ERC2: variants seen among roughly 807,000 people sequenced by gnomAD.
ERC2 encodes the protein ERC protein 2.
In ERC2, 42 loss-of-function variants were observed where a neutral mutation model predicts 114.8. The ratio of observed to expected loss-of-function variants is 0.37; its 90% CI spans 0.29 to 0.47. ERC2 has a LOEUF of 0.47. ERC2 is among the 20% of genes least tolerant of loss of function. ERC2 has a pLI of 0.99. For missense variants in ERC2, 939 were observed against 1,150.7 expected (o/e 0.82, Z 2.66); for synonymous variants, 454 against 425.5 (o/e 1.07, Z -0.82).
At chr3:55,747,782 A>C (rs963620757) in intron 14 of ERC2, among the ~76,000 whole-genome samples, 2 of 152,268 alleles carry the variant, frequency 1.3e-5, no homozygotes, top group Non-Finnish European at 1.5e-5. Flanking sequence ...TTCAGAGCCC[A>C]AGTTACAGAA....
At chr3:56,237,656 G>C (rs2051041913) in intron 3 of ERC2, among the ~76,000 whole-genome samples, 1 of 152,062 alleles carries the variant, frequency 6.6e-6, no homozygotes, top group Non-Finnish European at 1.5e-5. Flanking sequence ...AAGTCACATT[G>C]CTTTCTTTTT....
intron 6 of ERC2, among the ~76,000 whole-genome samples, chr3:56,090,595 TTAAA>T (rs1206931604): frequency 6.6e-6 from 1 of 152,012 alleles, no homozygotes; most frequent in Non-Finnish European, 1.5e-5. Flanking sequence ...ACTTAAATAC[TTAAA>T]TAAAAGCCTT....
At chr3:55,716,776 C>T (rs2064144497) in intron 15 of ERC2, among the ~76,000 whole-genome samples, 1 of 152,208 alleles carries the variant, frequency 6.6e-6, no homozygotes, top group African/African-American at 2.4e-5. Flanking sequence ...CAGTCCTATA[C>T]CAGTCTCCAG....
chr3:55,942,480 G>T (rs1275358333), intron 13 of ERC2, among the ~76,000 whole-genome samples: 10 of 146,398 alleles, frequency 6.8e-5, no homozygotes, highest in East Asian at 2.0e-4. Context: ...TGTATTTTTA[G>T]TAGAGACGGG....
intron 16 of ERC2, among the ~76,000 whole-genome samples, chr3:55,689,320 A>T (rs1223139832): frequency 2.0e-5 from 3 of 152,170 alleles, no homozygotes; most frequent in Admixed American, 2.0e-4. Flanking sequence ...ATTTCCTTCA[A>T]GCAAAATAGC....
At chr3:56,227,139 A>C (rs915928925) in intron 3 of ERC2, among the ~76,000 whole-genome samples, 4 of 151,924 alleles carry the variant, frequency 2.6e-5, no homozygotes, top group Admixed American at 2.6e-4. Flanking sequence ...AAATACCCTC[A>C]CATCCTTTCC....
At chr3:56,300,234 C>T (rs1426253433) in intron 2 of ERC2, among the ~76,000 whole-genome samples, 4 of 144,128 alleles carry the variant, frequency 2.8e-5, no homozygotes, top group African/African-American at 1.0e-4. Context: ...TCCATTTATC[C>T]ATTCAATATA....
intron 6 of ERC2, among the ~76,000 whole-genome samples, chr3:56,082,082 T>C (rs901005803): frequency 6.9e-6 from 1 of 145,796 alleles, no homozygotes; most frequent in African/African-American, 2.6e-5. Context: ...TGGATATATA[T>C]ATTAAAAAGA....
At chr3:55,747,981 T>C (rs1169905144) in intron 14 of ERC2, among the ~76,000 whole-genome samples, 1 of 152,196 alleles carries the variant, frequency 6.6e-6, no homozygotes, top group African/African-American at 2.4e-5. Flanking sequence ...ACTGGAGTGC[T>C]CCTTCCCAGA....
chr3:55,643,784 G>A (rs2060283901), intron 17 of ERC2, among the ~76,000 whole-genome samples: 1 of 151,966 alleles, frequency 6.6e-6, no homozygotes, highest in Non-Finnish European at 1.5e-5. Context: ...ATGTAAGTTG[G>A]CATCTAATGT....
chr3:55,664,567 G>A (rs991065052), intron 17 of ERC2, among the ~76,000 whole-genome samples: 19 of 152,186 alleles, frequency 1.2e-4, no homozygotes, highest in Non-Finnish European at 2.2e-4. Flanking sequence ...GGGAGGAGGG[G>A]CTGGGTTACC....
intron 1 of ERC2, among the ~76,000 whole-genome samples, chr3:56,454,965 TTGTC>T (rs2062997098): frequency 6.6e-6 from 1 of 151,936 alleles, no homozygotes; most frequent in Non-Finnish European, 1.5e-5. Context: ...AGCTCAAATA[TTGTC>T]TGATATCATT....
intron 14 of ERC2, among the ~76,000 whole-genome samples, chr3:55,876,712 G>A (rs1329034199): frequency 1.3e-5 from 2 of 152,138 alleles, no homozygotes; most frequent in African/African-American, 4.8e-5. Flanking sequence ...TGGAATTCTG[G>A]AGCTAGACAG....
intron 2 of ERC2, among the ~76,000 whole-genome samples, chr3:56,302,286 C>G (rs2055931235): frequency 6.6e-6 from 1 of 152,092 alleles, no homozygotes; most frequent in Admixed American, 6.5e-5. Flanking sequence ...GGAACTTTGA[C>G]AACTGTACAC....
chr3:55,839,449 C>A (rs1289464218), intron 14 of ERC2, among the ~76,000 whole-genome samples: 2 of 151,804 alleles, frequency 1.3e-5, no homozygotes, highest in African/African-American at 2.4e-5. Context: ...TTTATCTCAT[C>A]ATTTAAACTT....
At chr3:55,787,206 G>A (rs115458475) in intron 14 of ERC2, among the ~76,000 whole-genome samples, 8 of 152,116 alleles carry the variant, frequency 5.3e-5, no homozygotes, top group South Asian at 4.2e-4. Context: ...GCTTAAGCCC[G>A]GGAATTTGAG....
At chr3:55,995,694 T>G (rs1175769914) in intron 10 of ERC2, among the ~76,000 whole-genome samples, 2 of 152,174 alleles carry the variant, frequency 1.3e-5, no homozygotes, top group Non-Finnish European at 2.9e-5. Flanking sequence ...CTAAAGAATT[T>G]ACAAAAGATA....
chr3:55,633,652 T>C (rs866668651), intron 17 of ERC2, among the ~76,000 whole-genome samples: 28 of 152,330 alleles, frequency 1.8e-4, no homozygotes, highest in Middle Eastern at 3.4e-3. Context: ...ATAGAGTGCC[T>C]GCTATTTGCA....
At position 55,861,896 on chromosome 3, in the gene ERC2, T is replaced by G. The variant is rs551360641; in HGVS notation, c.2564+26493A>C. Among the ~76,000 whole-genome samples the G allele has an allele frequency of 1.5e-4, 23 of 152,290 alleles. No individual in the cohort carries two copies. The East Asian group carries it at 4.4e-3, about 29-fold the overall frequency. On this transcript the variant is annotated intron_variant, in intron 14 of 17. Transcript: ENST00000288221. Reference sequence around the variant, plus strand: ...TCATCAGGTTGTTCCAAAGAATTAGTAAGATGTAAAACACTGAGCCCTGTA... The same window carrying G: ...TCATCAGGTTGTTCCAAAGAATTAGGAAGATGTAAAACACTGAGCCCTGTA...
Sources: gnomAD v4.1 joint callset for allele counts (sites outside exome capture counted in the v4.1 genomes callset) on GRCh38, gnomAD v4.1.1 for gene constraint, MANE v1.5 for transcripts, NCBI Gene and HGNC (gene_info 2026-07-23, HGNC 2026-07-21) for gene names.